TRIM16: variants seen among roughly 807,000 people sequenced by gnomAD.
TRIM16 encodes tripartite motif-containing protein 16.
In TRIM16, 33 loss-of-function variants were observed where a neutral mutation model predicts 50.4. The ratio of observed to expected loss-of-function variants is 0.65; its 90% CI spans 0.50 to 0.88. TRIM16 has a LOEUF of 0.88. Ranked by LOEUF, TRIM16 falls within the 40% of genes least tolerant of loss-of-function variation. The pLI, the probability that TRIM16 is intolerant of heterozygous loss-of-function variation, is 0.00. For missense variants in TRIM16, 581 were observed against 686.8 expected (o/e 0.85, Z 1.72); for synonymous variants, 229 against 270.7 (o/e 0.85, Z 1.51).
At chr17:15,678,378 C>T (rs1268955759) in intron 4 of TRIM16, among the ~76,000 whole-genome samples, 1 of 152,144 alleles carries the variant, frequency 6.6e-6, no homozygotes, top group Non-Finnish European at 1.5e-5. Context: ...AATATGCCTC[C>T]TCCTCTCCTT....
intron 6 of TRIM16, among the ~76,000 whole-genome samples, chr17:15,664,685 G>C (rs1181648805): frequency 1.3e-5 from 2 of 152,054 alleles, no homozygotes; most frequent in African/African-American, 4.8e-5. Flanking sequence ...GAGTGAAGTG[G>C]CTCCTGTCAC....
chr17:15,641,757 AATGGATGG>A (rs1380243416), intron 8 of TRIM16, among the ~76,000 whole-genome samples: 1 of 148,118 alleles, frequency 6.8e-6, no homozygotes, highest in Non-Finnish European at 1.5e-5. Flanking sequence ...GGGGTAGATG[AATGGATGG>A]ATGGATGATG....
intron 6 of TRIM16, among the ~76,000 whole-genome samples, chr17:15,654,807 A>G (rs1348978454): frequency 6.6e-6 from 1 of 152,086 alleles, no homozygotes; most frequent in Non-Finnish European, 1.5e-5. Flanking sequence ...TAACCAGACT[A>G]TTTGTTCGGG....
At chr17:15,637,623 G>T (rs1484781635) in intron 8 of TRIM16, among the ~76,000 whole-genome samples, 153 of 139,114 alleles carry the variant, frequency 1.1e-3, no homozygotes, top group East Asian at 4.6e-3. Flanking sequence ...AGGGAGGTGG[G>T]GGGGGGTCAG....
rs577979820 is a variant in TRIM16 at position 15,633,376 on chromosome 17, A to G, written c.850-702T>C. Among the ~76,000 whole-genome samples the G allele has an allele frequency of 1.3e-4, 19 of 151,144 alleles. No individual in the cohort carries two copies. In the South Asian group the frequency reaches 4.0e-3, roughly 32 times the overall value. On this transcript the variant is annotated intron_variant, in intron 9 of 11. Transcript: ENST00000649191. ...CCAGAGAATTGATAGAGAAAAGGGT[A>G]ATTCAACATTTTAATGCTATATACT...
At chr17:15,643,680 T>C (rs1987218750) in intron 7 of TRIM16, among the ~76,000 whole-genome samples, 1 of 151,836 alleles carries the variant, frequency 6.6e-6, no homozygotes, top group South Asian at 2.1e-4. Context: ...TCAAATATGT[T>C]ACAGAGTTTG....
In TRIM16 at chr17:15,682,740, C is replaced by T. The variant is rs561879571; in HGVS notation, c.-679+114G>A. ...GTCCGACTTATCCCCCCTTATCCTTCAGAAAGGCAGGTGGTATAATGGAAA... is the reference window on the plus strand; with the variant it reads ...GTCCGACTTATCCCCCCTTATCCTTTAGAAAGGCAGGTGGTATAATGGAAA... On this transcript the variant is annotated intron_variant, in intron 3 of 11. Transcript: ENST00000649191. The T allele has an allele frequency of 2.1e-5, 22 of 1,051,372 alleles. No individual in the cohort carries two copies. The African/African-American group carries it at 2.8e-4, about 13-fold the overall frequency. 65.1% of individuals were successfully genotyped at this position (1,051,372 alleles called of 1,614,324 possible). A position where few individuals can be genotyped will look rare whatever the true frequency, so the allele number is the denominator to read the frequency against.
intron 7 of TRIM16, among the ~76,000 whole-genome samples, chr17:15,645,728 C>G (rs1987341410): frequency 6.6e-6 from 1 of 152,218 alleles, no homozygotes; most frequent in African/African-American, 2.4e-5. Flanking sequence ...AGGGAAGCAG[C>G]TGCAGGCAGA....
chr17:15,647,216 C>T (rs1307998363), intron 7 of TRIM16, among the ~76,000 whole-genome samples: 1 of 151,162 alleles, frequency 6.6e-6, no homozygotes, highest in Non-Finnish European at 1.5e-5. Context: ...AGGTGATCCA[C>T]CCGCCTCGGC....
At chr17:15,636,925 CTT>C (rs1251947794) in intron 8 of TRIM16, among the ~76,000 whole-genome samples, 1 of 149,628 alleles carries the variant, frequency 6.7e-6, no homozygotes, top group African/African-American at 2.5e-5. Context: ...CATGTGGACT[CTT>C]TTGCATGGTA....
intron 6 of TRIM16, among the ~76,000 whole-genome samples, chr17:15,669,280 C>A (rs1988627197): frequency 6.6e-6 from 1 of 151,686 alleles, no homozygotes; most frequent in African/African-American, 2.4e-5. Flanking sequence ...GTAAAAAAAA[C>A]TGGAAAGAAC....
intron 7 of TRIM16, among the ~76,000 whole-genome samples, chr17:15,649,012 A>C (rs1357790628): frequency 6.6e-6 from 1 of 151,806 alleles, no homozygotes; most frequent in East Asian, 1.9e-4. Flanking sequence ...TACCTTATAC[A>C]CTTCTCTCCT....
At chr17:15,665,145 G>A (rs183033239) in intron 6 of TRIM16, among the ~76,000 whole-genome samples, 1 of 151,914 alleles carries the variant, frequency 6.6e-6, no homozygotes, top group Non-Finnish European at 1.5e-5. Flanking sequence ...TTAAGCTGCT[G>A]CTATACAACT....
At chr17:15,664,808 G>A (rs1368210039) in intron 6 of TRIM16, among the ~76,000 whole-genome samples, 2 of 152,138 alleles carry the variant, frequency 1.3e-5, no homozygotes, top group Non-Finnish European at 2.9e-5. Flanking sequence ...GCCAAGGTGG[G>A]TGGATCACTT....
Position 15,667,470 on chromosome 17 carries a change from C to T in TRIM16, c.-338+9706G>A, listed in dbSNP as rs12603509. On this transcript the variant is annotated intron_variant, in intron 6 of 11. Coordinates refer to ENST00000649191, the MANE Select transcript of TRIM16 (RefSeq NM_001348119.1). The stretch of plus-strand genomic sequence containing the variant: ...TAACATTCTAAGTAACAAAATAGGA[C>T]TTCTGATTGTTTTCCAGCAAAAATG... Among the ~76,000 whole-genome samples, 850 of 152,252 alleles carry T rather than the reference C, an allele frequency of 5.6e-3. 19 individuals are homozygous for T. The East Asian group carries it at 0.073, about 13-fold the overall frequency.
intron 3 of TRIM16, 114 bp from the exon 4 acceptor site, chr17:15,681,067 T>C (rs1166253540): frequency 3.4e-5 from 33 of 978,704 alleles, no homozygotes; most frequent in Non-Finnish European, 4.0e-5. Context: ...TGTCCATAGC[T>C]TGAAGGATTT....
Position 15,651,561 on chromosome 17 carries a change from C to CAG in TRIM16, c.47_48dup (p.Ala17LeufsTer72). 6.2e-7 allele frequency: 1 copy of CAG among 1,613,790 alleles called. No homozygotes were observed. Among genetic ancestry groups the CAG allele is most frequent in the Non-Finnish European group, 8.5e-7 (1 of 1,179,814 alleles). On this transcript the variant is annotated frameshift_variant, in exon 7 of 12. Coordinates refer to ENST00000649191, the MANE Select transcript of TRIM16 (RefSeq NM_001348119.1). LOFTEE classifies it high-confidence loss of function. ...GGGCTGAGAGGGGCTGGGGGCTGAGCAGTGGCCCTGGGCAGTGGCCCTGGA... is the reference window on the plus strand; with the variant it reads ...GGGCTGAGAGGGGCTGGGGGCTGAGCAGAGTGGCCCTGGGCAGTGGCCCTGGA...
At chr17:15,649,591 A>G (rs1252915271) in intron 7 of TRIM16, among the ~76,000 whole-genome samples, 1 of 152,144 alleles carries the variant, frequency 6.6e-6, no homozygotes, top group Non-Finnish European at 1.5e-5. Flanking sequence ...CGGCTGGTGG[A>G]GATTATTTTT....
chr17:15,644,170 C>T (rs1987245085), intron 7 of TRIM16, among the ~76,000 whole-genome samples: 1 of 152,202 alleles, frequency 6.6e-6, no homozygotes, highest in African/African-American at 2.4e-5. Context: ...CTCCCGGAAG[C>T]CCAGCCCTTT....
Sources: allele counts gnomAD v4.1 joint callset (sites outside exome capture counted in the v4.1 genomes callset), GRCh38; gene constraint gnomAD v4.1.1; transcripts MANE v1.5; gene names NCBI Gene and HGNC (gene_info 2026-07-23, HGNC 2026-07-21).